VCAN: variants seen among roughly 807,000 people sequenced by gnomAD.
VCAN encodes the protein versican core protein.
VCAN carries 44 observed loss-of-function variants against 245.5 expected under a neutral mutation model. The observed-to-expected ratio is 0.18, with a 90% CI of 0.14 to 0.23. VCAN has a LOEUF of 0.23. Ranked by LOEUF, VCAN falls within the 10% of genes least tolerant of loss-of-function variation. The pLI is 1.00. For synonymous variants in VCAN, 1,413 were observed against 1,437.0 expected, an observed-to-expected ratio of 0.98 and a Z score of 0.38; for missense variants, 3,793 against 4,057.9, an observed-to-expected ratio of 0.93 and a Z score of 1.77.
Position 83,514,428 on chromosome 5 carries a change from A to ATGTG in VCAN, c.1042+2052_1042+2055dup, listed in dbSNP as rs57400723. 3.1e-3 allele frequency among the ~76,000 whole-genome samples: 453 copies of ATGTG among 145,156 alleles called. 3 individuals are homozygous for ATGTG. The highest frequency in any genetic ancestry group is 7.1e-3 in the Middle Eastern group (2 of 280). ...TTTTTCAAAAAATTTTTTAGTGTAT[A>ATGTG]TGTGTGTGTGTGTGTGTGTGTGTAT... On this transcript the variant is annotated intron_variant, in intron 6 of 14. Transcript: ENST00000265077.
Position 83,512,086 on chromosome 5 carries a change from C to T in VCAN, c.749-17C>T. 1.2e-6 allele frequency: 2 copies of T among 1,613,610 alleles called. No homozygotes were observed. Among genetic ancestry groups the T allele is most frequent in the South Asian group, 2.2e-5 (2 of 91,018 alleles). On this transcript the variant is annotated splice_polypyrimidine_tract_variant and intron_variant, in intron 5 of 14. Transcript: ENST00000265077. ...ATAATAAAACTTTGGGCTTTTTTTCCCTTCTTTTTTTTCCAGGTGATGTGT... is the reference window on the plus strand; with the variant it reads ...ATAATAAAACTTTGGGCTTTTTTTCTCTTCTTTTTTTTCCAGGTGATGTGT...
intron 12 of VCAN, among the ~76,000 whole-genome samples, chr5:83,566,642 G>A (rs1433413865): frequency 6.6e-6 from 1 of 152,002 alleles, no homozygotes; most frequent in Non-Finnish European, 1.5e-5. Flanking sequence ...GAACTGGGAA[G>A]GAGAGAAATA....
intron 6 of VCAN, among the ~76,000 whole-genome samples, chr5:83,514,879 C>G (rs1745793088): frequency 6.6e-6 from 1 of 152,172 alleles, no homozygotes; most frequent in African/African-American, 2.4e-5. Flanking sequence ...GAGTCATGGC[C>G]TCAGCTACAG....
rs747493525 is a variant in VCAN, at chr5:83,541,466, T to G, written c.8463T>G (p.Ser2821=). The G allele has an allele frequency of 2.9e-5, 47 of 1,613,956 alleles. No homozygotes were observed. The highest frequency in any genetic ancestry group is 8.3e-5 in the Admixed American group (5 of 59,984). The change falls in exon 8 of 15, where the codon TCT becomes TCG. Residue 2821 remains serine, a synonymous_variant. Transcript: ENST00000265077. ...CAGTTTCAACATTTGCGAAGTTGTC[T>G]TCTCAGACACCATCATCTCCCCTCA... The part of the protein sequence containing the change: ...TLAVSTFAKL[S]SQTPSSPLTI...
chr5:83,538,012 C>A lies in VCAN; in HGVS notation c.5009C>A (p.Thr1670Asn). The change falls in exon 8 of 15, where the codon ACT becomes AAT. Residue 1670 changes from threonine (T) to asparagine (N), a missense_variant. Around this residue, in one of 5 missense-constraint regions of VCAN, gnomAD observed 3,182 missense variants for 3,250.3 expected, o/e 0.98. Coordinates refer to ENST00000265077, the MANE Select transcript of VCAN (RefSeq NM_004385.5). The part of the protein sequence containing the change: ...SQRNTTDTLI[T>N]LDTSRIITES... ...AGAAATACTACTGATACACTCATTACTTTAGACACTAGCAGGATAATCACA... is the reference window on the plus strand; with the variant it reads ...AGAAATACTACTGATACACTCATTAATTTAGACACTAGCAGGATAATCACA... The A allele has an allele frequency of 6.2e-7, 1 of 1,614,034 alleles. No individual in the cohort carries two copies. The highest frequency in any genetic ancestry group is 8.5e-7 in the Non-Finnish European group (1 of 1,179,964).
chr5:83,505,845 G>A (rs780265408), intron 5 of VCAN, among the ~76,000 whole-genome samples: 3 of 152,212 alleles, frequency 2.0e-5, no homozygotes, highest in Admixed American at 6.5e-5. Flanking sequence ...TGAAATCTAG[G>A]CAGAGGTTCC....
intron 9 of VCAN, among the ~76,000 whole-genome samples, chr5:83,546,841 A>G (rs1747247232): frequency 6.6e-6 from 1 of 152,208 alleles, no homozygotes. Flanking sequence ...AAGAAATTTA[A>G]CTTGCTTTGT....
intron 5 of VCAN, among the ~76,000 whole-genome samples, chr5:83,494,158 A>T (rs1745081992): frequency 1.3e-5 from 2 of 152,202 alleles, no homozygotes; most frequent in African/African-American, 4.8e-5. Flanking sequence ...AGTTAATGGC[A>T]GGTTTTCTTA....
At position 83,542,274 on chromosome 5, in the gene VCAN, A is replaced by G; in HGVS notation, c.9265+6A>G. On this transcript the variant is annotated splice_donor_region_variant and intron_variant, in intron 8 of 14. Transcript: ENST00000265077. ...CACGGCAATCTATTTACCAGGTAAG[A>G]TCACAACATTGATAAATCTGTTTCC... is the stretch of plus-strand genomic sequence containing the variant. 1 of 1,610,864 alleles carries G rather than the reference A, an allele frequency of 6.2e-7. No homozygotes were observed. The highest frequency in any genetic ancestry group is 8.5e-7 in the Non-Finnish European group (1 of 1,179,462).
At chr5:83,504,980 C>G (rs1745440194) in intron 5 of VCAN, among the ~76,000 whole-genome samples, 1 of 152,062 alleles carries the variant, frequency 6.6e-6, no homozygotes, top group Non-Finnish European at 1.5e-5. Context: ...CCCATTAGAT[C>G]TCATGAGACT....
At chr5:83,563,123 A>G (rs915525741) in intron 12 of VCAN, among the ~76,000 whole-genome samples, 4 of 152,198 alleles carry the variant, frequency 2.6e-5, no homozygotes, top group African/African-American at 9.6e-5. Context: ...TGACACCAAA[A>G]CAAACGTCTC....
intron 7 of VCAN, among the ~76,000 whole-genome samples, chr5:83,532,099 A>T (rs1391548739): frequency 6.6e-6 from 1 of 152,078 alleles, no homozygotes; most frequent in Non-Finnish European, 1.5e-5. Flanking sequence ...GTTCCTATGA[A>T]ATAGAGCACA....
intron 6 of VCAN, 129 bp downstream of exon 6, chr5:83,512,525 A>G (rs1344113316): frequency 9.0e-6 from 11 of 1,220,074 alleles, no homozygotes; most frequent in African/African-American, 1.5e-5. Flanking sequence ...GAAACAGTTC[A>G]GTGATTTTCA....
At chr5:83,473,553 C>G (rs948577572) in intron 1 of VCAN, among the ~76,000 whole-genome samples, 1 of 152,178 alleles carries the variant, frequency 6.6e-6, no homozygotes, top group Non-Finnish European at 1.5e-5. Flanking sequence ...TCCCCCACAG[C>G]TGACAAATGA....
At chr5:83,566,713 G>A (rs1748090624) in intron 12 of VCAN, among the ~76,000 whole-genome samples, 1 of 152,170 alleles carries the variant, frequency 6.6e-6, no homozygotes, top group Non-Finnish European at 1.5e-5. Context: ...ATGGAATTGA[G>A]GTCACTCTCT....
chr5:83,576,514 A>C (rs1408412815), intron 13 of VCAN, among the ~76,000 whole-genome samples: 1 of 152,118 alleles, frequency 6.6e-6, no homozygotes, highest in Non-Finnish European at 1.5e-5. Flanking sequence ...TGCTTTTATA[A>C]ACAATGTTTC....
In VCAN at chr5:83,545,675, G is replaced by T. The variant is rs751545299; in HGVS notation, c.9379+25G>T. 7.0e-6 allele frequency: 11 copies of T among 1,560,520 alleles called. No individual in the cohort carries two copies. The African/African-American group carries it at 1.4e-4, about 19-fold the overall frequency. On this transcript the variant is annotated intron_variant, in intron 9 of 14. Coordinates refer to ENST00000265077, the MANE Select transcript of VCAN (RefSeq NM_004385.5). ...GGTAAGATGGTACTTGGCTGAAAAGGTGCAGTTCTTTCACAGAAGATATAT... is the reference window on the plus strand; with the variant it reads ...GGTAAGATGGTACTTGGCTGAAAAGTTGCAGTTCTTTCACAGAAGATATAT...
In VCAN at chr5:83,537,219, C is replaced by T. The variant is rs1415104354; in HGVS notation, c.4216C>T (p.Pro1406Ser). 2.5e-6 allele frequency: 4 copies of T among 1,613,608 alleles called. No homozygotes were observed. The African/African-American group carries it at 5.3e-5, about 22-fold the overall frequency. Reference sequence around the variant, plus strand: ...AAATGCTACTGATGTGACAACCACCCCATCTGTGCAGTACATAAATGGGAA... The same window carrying T: ...AAATGCTACTGATGTGACAACCACCTCATCTGTGCAGTACATAAATGGGAA... ...CANATDVTTT[P>S]SVQYINGKHL... The change falls in exon 8 of 15, where the codon CCA (proline) becomes TCA (serine). Residue 1406 changes from proline to serine, a missense_variant. Coordinates refer to ENST00000265077, the MANE Select transcript of VCAN (RefSeq NM_004385.5).
chr5:83,483,731 T>C (rs1744695032), intron 2 of VCAN, 143 bp downstream of exon 2: 3 of 786,464 alleles, frequency 3.8e-6, no homozygotes, highest in Middle Eastern at 2.7e-4. Flanking sequence ...TAAAATATTA[T>C]TGGACCAAAA....
Sources: gnomAD v4.1 joint callset for allele counts (sites outside exome capture counted in the v4.1 genomes callset) on GRCh38, gnomAD v4.1.1 for gene constraint, gnomAD v4.1.1 regional missense constraint, MANE v1.5 for transcripts, NCBI Gene and HGNC (gene_info 2026-07-23, HGNC 2026-07-21) for gene names.